The following ZFHX3 variants were observed in gnomAD, a reference collection of about 807,000 sequenced individuals.
ZFHX3 encodes the protein zinc finger homeobox protein 3.
A neutral mutation model predicts 279.1 loss-of-function variants in ZFHX3; 42 were observed. The ratio of observed to expected loss-of-function variants is 0.15; its 90% CI spans 0.12 to 0.19. The LOEUF (loss-of-function observed/expected upper bound fraction) is 0.19. ZFHX3 is among the 10% of genes least tolerant of loss of function. ZFHX3 has a pLI of 1.00. For synonymous variants in ZFHX3, 2,293 were observed against 1,957.8 expected (o/e 1.17, Z -4.52); for missense variants, 4,981 against 4,754.0 (o/e 1.05, Z -1.40).
At chr16:73,701,582 T>C (rs186767404) in intron 1 of ZFHX3, among the ~76,000 whole-genome samples, 1 of 152,326 alleles carries the variant, frequency 6.6e-6, no homozygotes, top group Admixed American at 6.5e-5. Flanking sequence ...TGTATCTCAC[T>C]AAAGTTCCTC....
intron 5 of ZFHX3, among the ~76,000 whole-genome samples, chr16:73,160,872 G>A (rs770204657): frequency 4.0e-5 from 6 of 149,236 alleles, no homozygotes; most frequent in Non-Finnish European, 4.4e-5. Context: ...TGGTAAAAAT[G>A]GTCACACATT....
chr16:73,660,303 G>C (rs1436996987), intron 2 of ZFHX3, among the ~76,000 whole-genome samples: 2 of 152,180 alleles, frequency 1.3e-5, no homozygotes, highest in Non-Finnish European at 2.9e-5. Flanking sequence ...TTTAAAGTCA[G>C]CATTTAACTT....
intron 3 of ZFHX3, among the ~76,000 whole-genome samples, chr16:73,419,555 C>T (rs1311254518): frequency 1.3e-5 from 2 of 152,090 alleles, no homozygotes; most frequent in African/African-American, 4.8e-5. Context: ...GGCTGGGGCT[C>T]TCTTAAAAAT....
intron 2 of ZFHX3, among the ~76,000 whole-genome samples, chr16:73,587,623 C>T (rs1187666513): frequency 2.0e-5 from 3 of 152,212 alleles, no homozygotes; most frequent in African/African-American, 7.2e-5. Context: ...GTCTAACATT[C>T]TCACCAGACT....
intron 3 of ZFHX3, among the ~76,000 whole-genome samples, chr16:73,344,491 G>C (rs955176126): frequency 6.6e-6 from 1 of 152,186 alleles, no homozygotes; most frequent in African/African-American, 2.4e-5. Flanking sequence ...TGGAAGGATG[G>C]AAAAAATTTG....
intron 5 of ZFHX3, among the ~76,000 whole-genome samples, chr16:73,183,459 G>A (rs1967845284): frequency 6.6e-6 from 1 of 152,194 alleles, no homozygotes; most frequent in African/African-American, 2.4e-5. Flanking sequence ...TTTGCAACTG[G>A]ATTACTGTAA....
At chr16:73,084,786 C>G (rs191913125) in intron 8 of ZFHX3, among the ~76,000 whole-genome samples, 91 of 152,168 alleles carry the variant, frequency 6.0e-4, no homozygotes, top group African/African-American at 2.2e-3. Context: ...TCCCAAAATG[C>G]TGGGATGACA....
intron 3 of ZFHX3, among the ~76,000 whole-genome samples, chr16:72,912,625 G>A (rs2039346333): frequency 6.6e-6 from 1 of 152,178 alleles, no homozygotes; most frequent in Admixed American, 6.5e-5. Context: ...GCTCCTAAGG[G>A]TTGCTGTCCT....
At chr16:73,491,945 C>T (rs894488081) in intron 2 of ZFHX3, among the ~76,000 whole-genome samples, 1 of 152,178 alleles carries the variant, frequency 6.6e-6, no homozygotes, top group African/African-American at 2.4e-5. Context: ...CCAGGAAATG[C>T]TATCTCCCCA....
chr16:73,416,122 C>CAAA (rs1234376040), intron 3 of ZFHX3, among the ~76,000 whole-genome samples: 162 of 74,774 alleles, frequency 2.2e-3, no homozygotes, highest in Middle Eastern at 6.7e-3. Context: ...GACTCCATCT[C>CAAA]AAAAAAAAAA....
intron 3 of ZFHX3, among the ~76,000 whole-genome samples, chr16:73,379,372 CA>C (rs1279243517): frequency 1.3e-5 from 2 of 152,086 alleles, no homozygotes; most frequent in African/African-American, 4.8e-5. Flanking sequence ...GCCCCAATCT[CA>C]GTGCTGTATT....
At chr16:73,557,723 G>C (rs2020308856) in intron 2 of ZFHX3, among the ~76,000 whole-genome samples, 1 of 151,990 alleles carries the variant, frequency 6.6e-6, no homozygotes, top group Non-Finnish European at 1.5e-5. Flanking sequence ...TATCAGCAAG[G>C]TCTTTAAGAC....
rs867603008 is a variant in ZFHX3 at position 72,785,202 on chromosome 16, A to G, written c.*1962T>C. On this transcript the variant is annotated 3_prime_UTR_variant, in exon 10 of 10. Transcript: ENST00000268489. ...TCCAAAATCTATGTTTTAGCAGCAC[A>G]AAGTTTTCAAAGTTCAGACCATTTA... 3 of 152,816 alleles carry G rather than the reference A, an allele frequency of 2.0e-5. No individual in the cohort carries two copies. In the South Asian group the frequency reaches 6.2e-4, roughly 32 times the overall value. The allele number at this position is 152,816 out of a possible 1,614,324, so 9.5% of individuals were successfully genotyped here. A position where few individuals can be genotyped will look rare whatever the true frequency, so the allele number is the denominator to read the frequency against.
At chr16:73,468,801 G>T (rs1316848927) in intron 2 of ZFHX3, among the ~76,000 whole-genome samples, 1 of 152,182 alleles carries the variant, frequency 6.6e-6, no homozygotes, top group Non-Finnish European at 1.5e-5. Context: ...CAAAAGTCAG[G>T]AGAGTGTCTC....
intron 3 of ZFHX3, among the ~76,000 whole-genome samples, chr16:73,343,209 T>C (rs2016065969): frequency 6.6e-6 from 1 of 152,168 alleles, no homozygotes; most frequent in East Asian, 1.9e-4. Flanking sequence ...AGTATCAGTA[T>C]GTTTCATATA....
chr16:73,121,277 A>G (rs1161873798), intron 7 of ZFHX3, among the ~76,000 whole-genome samples: 2 of 152,218 alleles, frequency 1.3e-5, no homozygotes, highest in Non-Finnish European at 2.9e-5. Flanking sequence ...GACTTAACAC[A>G]ATAAAAAGAA....
intron 1 of ZFHX3, among the ~76,000 whole-genome samples, chr16:73,832,669 T>A (rs1254341697): frequency 6.6e-6 from 1 of 152,132 alleles, no homozygotes; most frequent in African/African-American, 2.4e-5. Flanking sequence ...CCCCTCAGCC[T>A]CCCAAAATGC....
At chr16:73,664,025 G>C (rs978735278) in intron 2 of ZFHX3, among the ~76,000 whole-genome samples, 8 of 152,168 alleles carry the variant, frequency 5.3e-5, no homozygotes, top group Admixed American at 2.6e-4. Context: ...TCTCTAGATA[G>C]ACAAATTGTT....
At chr16:73,064,023 T>C (rs1965717013), upstream of ZFHX3, among the ~76,000 whole-genome samples, 1 of 152,076 alleles carries the variant, frequency 6.6e-6, no homozygotes, top group African/African-American at 2.4e-5. Flanking sequence ...AAAAGGCGCT[T>C]TAATTGAGAA....
Sources: gnomAD v4.1 joint callset for allele counts (sites outside exome capture counted in the v4.1 genomes callset) on GRCh38, gnomAD v4.1.1 for gene constraint, MANE v1.5 for transcripts, NCBI Gene and HGNC (gene_info 2026-07-23, HGNC 2026-07-21) for gene names.